The following CALN1 variants were observed in gnomAD, a reference collection of about 807,000 sequenced individuals.
CALN1 encodes the protein calcium-binding protein 8.
Under a neutral mutation model 30.6 loss-of-function variants are expected in CALN1, and 17 were observed. That is an observed-to-expected ratio of 0.56 (90% CI 0.38 to 0.83). CALN1 has a LOEUF of 0.83. Among genes scored for constraint, CALN1 ranks in the 40% least tolerant of loss-of-function variants. CALN1 has a pLI of 0.00. For synonymous variants in CALN1, 156 were observed against 131.4 expected (o/e 1.19, Z -1.28); for missense variants, 291 against 354.9 (o/e 0.82, Z 1.45).
At chr7:72,156,998 T>C (rs17352127) in intron 3 of CALN1, among the ~76,000 whole-genome samples, 44,314 of 152,122 alleles carry the variant, frequency 0.29, 6,993 homozygotes, top group Non-Finnish European at 0.35. Context: ...ATTGCCATGG[T>C]TGAGACAGAT....
rs774556852 is a variant in CALN1 at position 72,278,728 on chromosome 7, C to T, written c.202G>A (p.Asp68Asn). 1.2e-6 allele frequency: 2 copies of T among 1,614,050 alleles called. No individual in the cohort carries two copies. Among genetic ancestry groups the T allele is most frequent in the Non-Finnish European group, 8.5e-7 (1 of 1,179,928 alleles). Residue 68 changes from aspartate (D) to asparagine (N), a missense_variant, in exon 3 of 7, where the codon GAC (aspartate) becomes AAC (asparagine). Asp to Asn is a conservative substitution (Grantham distance 23). Around this residue, in one of 2 missense-constraint regions of CALN1, gnomAD observed 122 missense variants for 103.2 expected, o/e 1.18. Transcript: ENST00000395275. ...YLNRSLSAGS[D>N]SEQLANISVE... ...GAGATATTAGCCAGCTGTTCGCTGT[C>T]ACTGCCAGCAGAGAGCGATCGGTTG... is the stretch of plus-strand genomic sequence containing the variant.
intron 5 of CALN1, among the ~76,000 whole-genome samples, chr7:71,949,303 G>A (rs773662720): frequency 2.6e-5 from 4 of 152,090 alleles, no homozygotes; most frequent in East Asian, 1.9e-4. Context: ...GGTGTACGTC[G>A]AGTAAGTGAC....
At chr7:72,361,433 G>A (rs184783723) in intron 2 of CALN1, among the ~76,000 whole-genome samples, 13 of 152,296 alleles carry the variant, frequency 8.5e-5, no homozygotes, top group African/African-American at 3.1e-4. Flanking sequence ...TTGAACCCAG[G>A]AGTTTGAGGC....
At chr7:72,049,797 C>T (rs1251024753) in intron 4 of CALN1, among the ~76,000 whole-genome samples, 1 of 144,940 alleles carries the variant, frequency 6.9e-6, no homozygotes, top group African/African-American at 2.6e-5. Flanking sequence ...TGTGAGCACC[C>T]GGGCCAAGTC....
intron 2 of CALN1, among the ~76,000 whole-genome samples, chr7:72,345,158 G>A (rs1003022771): frequency 6.7e-6 from 1 of 150,024 alleles, no homozygotes; most frequent in Non-Finnish European, 1.5e-5. Flanking sequence ...AATGCCAAAA[G>A]AAAAGAACAT....
chr7:72,390,163 A>G (rs923532427), intron 2 of CALN1, among the ~76,000 whole-genome samples: 3 of 150,892 alleles, frequency 2.0e-5, no homozygotes, highest in African/African-American at 7.3e-5. Context: ...GGGCACGGCG[A>G]CTCACCCCTG....
At chr7:71,866,253 C>G (rs113518702) in intron 5 of CALN1, among the ~76,000 whole-genome samples, 7,385 of 151,962 alleles carry the variant, frequency 0.049, 605 homozygotes, top group African/African-American at 0.17. Flanking sequence ...GTGATCCACC[C>G]GCCTCAGCCT....
At chr7:72,293,698 G>C (rs1798650092) in intron 2 of CALN1, among the ~76,000 whole-genome samples, 1 of 152,172 alleles carries the variant, frequency 6.6e-6, no homozygotes, top group South Asian at 2.1e-4. Context: ...GTTGATAGCA[G>C]AAAAAGCACC....
intron 5 of CALN1, among the ~76,000 whole-genome samples, chr7:71,952,650 G>A (rs574660937): frequency 6.5e-5 from 5 of 77,198 alleles, no homozygotes; most frequent in African/African-American, 1.5e-4. Context: ...AGTGTAGATC[G>A]CTAGCGATCT....
At chr7:72,397,667 G>T (rs1336070734) in intron 2 of CALN1, among the ~76,000 whole-genome samples, 1 of 150,174 alleles carries the variant, frequency 6.7e-6, no homozygotes, top group Non-Finnish European at 1.5e-5. Flanking sequence ...TCAAGTGAAG[G>T]ATCTCACTGC....
chr7:72,462,176 A>C, the CALN1 span, among the ~76,000 whole-genome samples: 1 of 151,546 alleles, frequency 6.6e-6, no homozygotes, highest in Non-Finnish European at 1.5e-5. Context: ...GTATGTATGT[A>C]TGTATTTATT....
chr7:71,856,049 A>G (rs1468200690), intron 5 of CALN1, among the ~76,000 whole-genome samples: 7 of 151,954 alleles, frequency 4.6e-5, no homozygotes, highest in Admixed American at 3.3e-4. Flanking sequence ...GTAGATATGT[A>G]TATATTTGAG....
At chr7:72,386,297 A>C (rs917017339) in intron 2 of CALN1, among the ~76,000 whole-genome samples, 3 of 152,176 alleles carry the variant, frequency 2.0e-5, no homozygotes, top group South Asian at 4.1e-4. Context: ...GAATGTGACA[A>C]ATCAATCTGT....
At chr7:71,907,252 A>C (rs1385495957) in intron 5 of CALN1, among the ~76,000 whole-genome samples, 1 of 152,062 alleles carries the variant, frequency 6.6e-6, no homozygotes, top group Admixed American at 6.6e-5. Context: ...ACACACACAC[A>C]CACACACACA....
At chr7:71,904,997 G>A (rs1273454569) in intron 5 of CALN1, among the ~76,000 whole-genome samples, 1 of 152,066 alleles carries the variant, frequency 6.6e-6, no homozygotes, top group Non-Finnish European at 1.5e-5. Context: ...GGAGTGCAGT[G>A]GCGTGATCTC....
rs11355636 is a variant in CALN1 at position 71,962,227 on chromosome 7, TAAA to T, written c.501+61427_501+61429del. 4.5e-3 allele frequency among the ~76,000 whole-genome samples: 613 copies of T among 137,396 alleles called. 5 individuals are homozygous for T. Among genetic ancestry groups the T allele is most frequent in the African/African-American group, 0.015 (578 of 37,972 alleles). The allele number at this position is 137,396 out of a possible 152,430, so 90.1% of individuals were successfully genotyped here. ...GGGCAACACAGCAAGACCCCATCTCTAAAAAAAAAAAAAAAAGTTTAAAAAATC... is the reference window on the plus strand; with the variant it reads ...GGGCAACACAGCAAGACCCCATCTCTAAAAAAAAAAAAAGTTTAAAAAATC... On this transcript the variant is annotated intron_variant, in intron 5 of 6. Transcript: ENST00000395275.
chr7:72,201,880 C>T (rs17144387), intron 3 of CALN1, among the ~76,000 whole-genome samples: 4,533 of 152,214 alleles, frequency 0.03, 212 homozygotes, highest in African/African-American at 0.1. Flanking sequence ...GGACAGAAGA[C>T]GCAGCCTGGA....
intron 4 of CALN1, among the ~76,000 whole-genome samples, chr7:72,102,983 G>T (rs1806786945): frequency 6.8e-6 from 1 of 148,142 alleles, no homozygotes; most frequent in Non-Finnish European, 1.5e-5. Context: ...TGAGGCAGGA[G>T]AATTGCTTAA....
Position 71,784,132 on chromosome 7 carries a change from G to A in CALN1, c.*3643C>T, listed in dbSNP as rs1206694798. ...ATTTCTGTCAATTTACCTAGATTAA[G>A]GGGTCCTGGCTCTGGACCCTGGGAG... On this transcript the variant is annotated 3_prime_UTR_variant, in exon 7 of 7. Transcript: ENST00000395275. The A allele has an allele frequency of 1.3e-5, 2 of 152,210 alleles. No individual in the cohort carries two copies. Among genetic ancestry groups the A allele is most frequent in the African/African-American group, 4.8e-5 (2 of 41,442 alleles). 9.4% of individuals were successfully genotyped at this position (152,210 alleles called of 1,614,324 possible). A position where few individuals can be genotyped will look rare whatever the true frequency, so the allele number is the denominator to read the frequency against.
Sources: allele counts gnomAD v4.1 joint callset (sites outside exome capture counted in the v4.1 genomes callset), GRCh38; gene constraint gnomAD v4.1.1; regional missense constraint gnomAD v4.1.1; transcripts MANE v1.5; gene names NCBI Gene and HGNC (gene_info 2026-07-23, HGNC 2026-07-21).